The following CSMD2 variants were observed in gnomAD, a reference collection of about 807,000 sequenced individuals.
The protein encoded by CSMD2 is CUB and sushi domain-containing protein 2.
Under a neutral mutation model 398.5 loss-of-function variants are expected in CSMD2, and 130 were observed. The observed-to-expected ratio is 0.33, with a 90% CI of 0.28 to 0.38. The LOEUF is 0.38. Ranked by LOEUF, CSMD2 falls within the 10% of genes least tolerant of loss-of-function variation. The pLI, the probability that CSMD2 is intolerant of heterozygous loss-of-function variation, is 1.00. For synonymous variants in CSMD2, 1,828 were observed against 1,908.5 expected, an observed-to-expected ratio of 0.96 and a Z score of 1.10; for missense variants, 3,829 against 4,764.9, an observed-to-expected ratio of 0.80 and a Z score of 5.78.
intron 13 of CSMD2, among the ~76,000 whole-genome samples, chr1:33,749,011 T>C (rs1383811681): frequency 2.0e-5 from 3 of 149,194 alleles, no homozygotes; most frequent in Non-Finnish European, 4.5e-5. Context: ...GAAAAATCCA[T>C]AATCACTTAA....
intron 29 of CSMD2, among the ~76,000 whole-genome samples, chr1:33,637,835 C>T (rs901706093): frequency 1.3e-5 from 2 of 152,062 alleles, no homozygotes; most frequent in South Asian, 2.1e-4. Flanking sequence ...GAGGGAAGAA[C>T]CAGAATAGAA....
intron 4 of CSMD2, among the ~76,000 whole-genome samples, chr1:33,928,628 T>C (rs55680611): frequency 0.048 from 7,255 of 152,278 alleles, 234 homozygotes; most frequent in Non-Finnish European, 0.072. Context: ...TGAATCCAGG[T>C]GACTGGCCTC....
intron 13 of CSMD2, among the ~76,000 whole-genome samples, chr1:33,747,360 G>C (rs1001020669): frequency 2.0e-5 from 3 of 152,180 alleles, no homozygotes; most frequent in Non-Finnish European, 2.9e-5. Context: ...CTGACACAAA[G>C]AGTAAAGTTG....
In CSMD2 at chr1:33,696,884, A is replaced by C. The variant is rs375536279; in HGVS notation, c.3925+1869T>G. ...TTGGGCTGCAGAGTCCACTCACCGA[A>C]GAATAAAACATTTGGATGTTTTAAG... On this transcript the variant is annotated intron_variant, in intron 24 of 70. Transcript: ENST00000373381. Among the ~76,000 whole-genome samples the C allele has an allele frequency of 4.6e-5, 7 of 152,310 alleles. No homozygotes were observed. In the South Asian group the frequency reaches 1.5e-3, roughly 32 times the overall value.
chr1:33,579,485 C>A (rs769513319), intron 48 of CSMD2, among the ~76,000 whole-genome samples: 1 of 151,970 alleles, frequency 6.6e-6, no homozygotes. Context: ...CAAGACCCAC[C>A]TTCTCCCAGG....
At chr1:33,772,539 C>G (rs368180981) in intron 13 of CSMD2, 30 bp downstream of exon 13, 54 of 1,595,098 alleles carry the variant, frequency 3.4e-5, no homozygotes, top group Non-Finnish European at 4.5e-5. Context: ...CAGTGAAGAC[C>G]CTGGCGTGGC....
chr1:33,846,344 A>C (rs1469115041), intron 6 of CSMD2, among the ~76,000 whole-genome samples: 1 of 152,192 alleles, frequency 6.6e-6, no homozygotes, highest in East Asian at 1.9e-4. Context: ...ATGCTCCCTA[A>C]AGTGATTTTG....
chr1:33,537,145 C>T lies in CSMD2; in HGVS notation c.9806-50G>A, dbSNP rs755467470. 25 of 1,585,566 alleles carry T rather than the reference C, an allele frequency of 1.6e-5. No homozygotes were observed. In the East Asian group the frequency reaches 2.0e-4, roughly 13 times the overall value. On this transcript the variant is annotated intron_variant, in intron 61 of 70. Coordinates refer to ENST00000373381, the MANE Select transcript of CSMD2 (RefSeq NM_001281956.2). The surrounding 1 kb of genome is among the most constrained non-coding windows in gnomAD (Gnocchi z 4.6). Reference sequence around the variant, plus strand: ...GATCACATGGTCATGGAAGCCTTCACGGCCTCATCTCACTCTGGGAAATAG... The same window carrying T: ...GATCACATGGTCATGGAAGCCTTCATGGCCTCATCTCACTCTGGGAAATAG...
intron 6 of CSMD2, chr1:33,838,389 G>C (rs1660525946): frequency 6.6e-6 from 1 of 152,146 alleles, no homozygotes; most frequent in African/African-American, 2.4e-5. Context: ...AGTTGCAGGG[G>C]GTGATCTTTC....
intron 15 of CSMD2, among the ~76,000 whole-genome samples, chr1:33,728,329 T>C (rs1007045661): frequency 1.7e-5 from 2 of 119,666 alleles, no homozygotes; most frequent in African/African-American, 9.1e-5. Flanking sequence ...ATATACCCAA[T>C]CCTCTTTTTT....
At chr1:33,558,288 A>G (rs1658228964) in intron 54 of CSMD2, among the ~76,000 whole-genome samples, 2 of 152,364 alleles carry the variant, frequency 1.3e-5, no homozygotes, top group Admixed American at 6.5e-5. Context: ...TGCCTCCCAC[A>G]GCAAAGCTTG....
At position 33,686,394 on chromosome 1, in the gene CSMD2, CT is replaced by C. The variant is rs545261767; in HGVS notation, c.4052+6535del. Among the ~76,000 whole-genome samples, 31 of 152,342 alleles carry C rather than the reference CT, an allele frequency of 2.0e-4. No homozygotes were observed. The East Asian group carries it at 5.6e-3, about 27-fold the overall frequency. On this transcript the variant is annotated intron_variant, in intron 25 of 70. Transcript: ENST00000373381. ...CATGGGTCTGCCCTCCTGCTGTCAG[CT>C]GCCAGGCCTGGATGGAGTGCATTGG...
At chr1:34,080,465 T>C (rs1033672437) in intron 2 of CSMD2, among the ~76,000 whole-genome samples, 4 of 152,190 alleles carry the variant, frequency 2.6e-5, no homozygotes, top group African/African-American at 9.6e-5. Context: ...AAAATGATCT[T>C]ATACAGAGGG....
chr1:34,152,821 TC>T (rs1640452384), intron 1 of CSMD2, among the ~76,000 whole-genome samples: 1 of 152,138 alleles, frequency 6.6e-6, no homozygotes, highest in Non-Finnish European at 1.5e-5. Flanking sequence ...CCACCATCCA[TC>T]CACAGATCTC....
chr1:33,860,384 G>T (rs1207984443), intron 5 of CSMD2: 1 of 152,174 alleles, frequency 6.6e-6, no homozygotes, highest in Non-Finnish European at 1.5e-5. Flanking sequence ...TATCATGGCG[G>T]TGAGATGCTG....
rs551213989 is a variant in CSMD2, at chr1:33,960,245, G to C, written c.518-24291C>G. ...CCCAGAGGCCCACCCCCATGGGATG[G>C]GTCTCGGCCTCAGACCACCTCCTCT... On this transcript the variant is annotated intron_variant, in intron 3 of 70. Transcript: ENST00000373381. 3.9e-5 allele frequency among the ~76,000 whole-genome samples: 6 copies of C among 152,240 alleles called. No individual in the cohort carries two copies. The South Asian group carries it at 1.2e-3, about 32-fold the overall frequency.
intron 12 of CSMD2, among the ~76,000 whole-genome samples, chr1:33,783,220 G>A (rs1653015187): frequency 6.6e-6 from 1 of 152,100 alleles, no homozygotes; most frequent in Non-Finnish European, 1.5e-5. Flanking sequence ...CAGAGATGGC[G>A]AGCTTGGTTT....
intron 24 of CSMD2, among the ~76,000 whole-genome samples, chr1:33,693,607 A>C (rs927659943): frequency 2.0e-5 from 3 of 152,240 alleles, no homozygotes; most frequent in African/African-American, 7.2e-5. Flanking sequence ...CCCAAGATAA[A>C]TGAAAACATG....
intron 1 of CSMD2, among the ~76,000 whole-genome samples, chr1:34,152,608 G>T (rs962695816): frequency 3.3e-5 from 5 of 152,108 alleles, no homozygotes; most frequent in Non-Finnish European, 7.3e-5. Flanking sequence ...CTCTTCACCT[G>T]CTCACTCCTG....
Sources: allele counts gnomAD v4.1 joint callset (sites outside exome capture counted in the v4.1 genomes callset), GRCh38; gene constraint gnomAD v4.1.1; non-coding constraint Gnocchi (gnomAD v3.1); transcripts MANE v1.5; gene names NCBI Gene and HGNC (gene_info 2026-07-23, HGNC 2026-07-21).